CDCA2: variants seen among roughly 807,000 people sequenced by gnomAD.
The protein encoded by CDCA2 is cell division cycle-associated protein 2.
A neutral mutation model predicts 67.0 loss-of-function variants in CDCA2; 44 were observed. The observed-to-expected ratio is 0.66, with a 90% CI of 0.52 to 0.84. The LOEUF is 0.84. CDCA2 is among the 40% of genes least tolerant of loss of function. The pLI is 0.00. For synonymous variants in CDCA2, 447 were observed against 418.7 expected (o/e 1.07, Z -0.82); for missense variants, 1,253 against 1,203.2 (o/e 1.04, Z -0.61).
intron 4 of CDCA2, 50 bp from the exon 5 acceptor site, chr8:25,466,125 G>T: frequency 1.3e-6 from 2 of 1,531,040 alleles, no homozygotes; most frequent in Non-Finnish European, 1.8e-6. Context: ...CTAGAATATA[G>T]AAAGTATGAA....
At chr8:25,490,559 A>G (rs907169147) in intron 13 of CDCA2, among the ~76,000 whole-genome samples, 1 of 152,138 alleles carries the variant, frequency 6.6e-6, no homozygotes, top group Admixed American at 6.6e-5. Context: ...TGGGAATCCC[A>G]GGAGACCCTG....
chr8:25,506,510 G>A lies in CDCA2; in HGVS notation c.1844G>A (p.Gly615Asp). The change falls in exon 15 of 15, where the codon GGT becomes GAT. Residue 615 changes from glycine to aspartate, a missense_variant and splice_region_variant. Physicochemically the swap from Gly to Asp is moderately conservative, Grantham distance 94. Coordinates refer to ENST00000330560, the MANE Select transcript of CDCA2 (RefSeq NM_152562.4). ...TTTAAACCTATTTACATGCCCATAGGTTATTTCAGTTCAAATGGCAAACTG... is the reference window on the plus strand; with the variant it reads ...TTTAAACCTATTTACATGCCCATAGATTATTTCAGTTCAAATGGCAAACTG... ...SIPSIRRLGS[G>D]YFSSNGKLEE... The A allele has an allele frequency of 6.4e-7, 1 of 1,561,958 alleles. No homozygotes were observed. The highest frequency in any genetic ancestry group is 8.6e-7 in the Non-Finnish European group (1 of 1,161,718).
intron 3 of CDCA2, among the ~76,000 whole-genome samples, chr8:25,460,924 A>T (rs1207066817): frequency 6.6e-6 from 1 of 152,158 alleles, no homozygotes; most frequent in Non-Finnish European, 1.5e-5. Context: ...AAAGTTTAAG[A>T]GCAATTAAGA....
chr8:25,459,775 A>ACG (rs1449284684), intron 1 of CDCA2, among the ~76,000 whole-genome samples: 6 of 152,160 alleles, frequency 3.9e-5, no homozygotes, highest in Non-Finnish European at 7.3e-5. Context: ...CTTTAAAAGT[A>ACG]CGCGCTTAGA....
chr8:25,478,413 T>C (rs1437140035), intron 7 of CDCA2, among the ~76,000 whole-genome samples: 1 of 152,174 alleles, frequency 6.6e-6, no homozygotes, highest in East Asian at 1.9e-4. Flanking sequence ...GCTTCCCCTC[T>C]TTCCCCAATC....
At chr8:25,462,687 T>C (rs1802747645) in intron 4 of CDCA2, among the ~76,000 whole-genome samples, 1 of 122,436 alleles carries the variant, frequency 8.2e-6, no homozygotes, top group African/African-American at 2.9e-5. Context: ...TTTCTTTGTT[T>C]GCTTTGTTTT....
intron 13 of CDCA2, 107 bp downstream of exon 13, chr8:25,488,796 A>G (rs1803885025): frequency 1.8e-6 from 2 of 1,141,114 alleles, no homozygotes; most frequent in Admixed American, 6.8e-5. Context: ...CTTTGGACCA[A>G]GATTATTAAT....
At chr8:25,465,261 A>G (rs970643239) in intron 4 of CDCA2, among the ~76,000 whole-genome samples, 2 of 152,206 alleles carry the variant, frequency 1.3e-5, no homozygotes, top group Non-Finnish European at 2.9e-5. Flanking sequence ...TGCATGAGCC[A>G]CTGTGCCCAG....
At chr8:25,465,649 G>GA (rs1397746643) in intron 4 of CDCA2, among the ~76,000 whole-genome samples, 1 of 152,214 alleles carries the variant, frequency 6.6e-6, no homozygotes, top group African/African-American at 2.4e-5. Context: ...ATACAATCAG[G>GA]AAAATTAGCT....
intron 13 of CDCA2, among the ~76,000 whole-genome samples, chr8:25,495,854 C>T (rs1804201739): frequency 6.6e-6 from 1 of 152,120 alleles, no homozygotes; most frequent in African/African-American, 2.4e-5. Flanking sequence ...TCAAGATGTG[C>T]ACTCAGAGAC....
At chr8:25,494,374 A>T (rs1804124872) in intron 13 of CDCA2, among the ~76,000 whole-genome samples, 2 of 152,252 alleles carry the variant, frequency 1.3e-5, no homozygotes, top group Non-Finnish European at 2.9e-5. Flanking sequence ...TAAAAATTTT[A>T]AAATACAGCA....
intron 13 of CDCA2, among the ~76,000 whole-genome samples, chr8:25,500,415 T>C: frequency 6.6e-6 from 1 of 152,206 alleles, no homozygotes; most frequent in East Asian, 1.9e-4. Context: ...GTAATGGATA[T>C]GTTCATTAGC....
At chr8:25,497,257 C>T (rs959013834) in intron 13 of CDCA2, among the ~76,000 whole-genome samples, 5 of 151,876 alleles carry the variant, frequency 3.3e-5, no homozygotes, top group African/African-American at 1.2e-4. Flanking sequence ...GGGTATGTAT[C>T]CAAAGGAAAT....
In CDCA2 at chr8:25,484,180, A is replaced by G. The variant is rs771684344; in HGVS notation, c.1335A>G (p.Gln445=). The part of the protein sequence containing the change: ...EQSPVPEPLP[Q]PDFDDKGENL... Reference sequence around the variant, plus strand: ...CACCTGTTCCTGAGCCATTACCTCAACCAGATTTTGATGACAAGGGGGAGA... The same window carrying G: ...CACCTGTTCCTGAGCCATTACCTCAGCCAGATTTTGATGACAAGGGGGAGA... The change falls in exon 10 of 15, where the codon CAA becomes CAG. Residue 445 remains glutamine (Q), a synonymous_variant. Coordinates refer to ENST00000330560, the MANE Select transcript of CDCA2 (RefSeq NM_152562.4). 2.5e-6 allele frequency: 4 copies of G among 1,614,084 alleles called. No individual in the cohort carries two copies. Among genetic ancestry groups the G allele is most frequent in the Non-Finnish European group, 2.5e-6 (3 of 1,180,020 alleles).
chr8:25,471,348 A>G (rs1395965643), intron 7 of CDCA2, among the ~76,000 whole-genome samples: 1 of 93,626 alleles, frequency 1.1e-5, no homozygotes, highest in Non-Finnish European at 2.3e-5. Flanking sequence ...TCTTGCCTTC[A>G]ATGTTTTCTT....
chr8:25,506,789 C>T lies in CDCA2; in HGVS notation c.2123C>T (p.Thr708Ile), dbSNP rs756115603. The T allele has an allele frequency of 2.5e-6, 4 of 1,613,966 alleles. No homozygotes were observed. Residue 708 changes from threonine to isoleucine, a missense_variant, in exon 15 of 15, where the codon ACT becomes ATT. Physicochemically the swap from Thr to Ile is moderately conservative, Grantham distance 89. Transcript: ENST00000330560. ...AGTGAAAATGAACCAAAAGCTGGAA[C>T]TGACAGTCCTGTTTCTTGTGCTTCT... ...SESENEPKAG[T>I]DSPVSCASVT...
intron 7 of CDCA2, among the ~76,000 whole-genome samples, chr8:25,473,926 CT>C (rs1384255037): frequency 2.6e-5 from 4 of 152,204 alleles, no homozygotes; most frequent in Non-Finnish European, 5.9e-5. Context: ...AATTTCTATT[CT>C]GACTTGCTCC....
At position 25,484,198 on chromosome 8, in the gene CDCA2, G is replaced by A. The variant is rs746533255; in HGVS notation, c.1353G>A (p.Lys451=). The change falls in exon 10 of 15, where the codon AAG becomes AAA. Residue 451 remains lysine (K), a synonymous_variant. Transcript: ENST00000330560. ...TACCTCAACCAGATTTTGATGACAAGGGGGAGAATCTTGTAAGTATGAAAA... is the reference window on the plus strand; with the variant it reads ...TACCTCAACCAGATTTTGATGACAAAGGGGAGAATCTTGTAAGTATGAAAA... ...EPLPQPDFDD[K]GENLENIEPL... The A allele has an allele frequency of 6.2e-7, 1 of 1,613,936 alleles. No individual in the cohort carries two copies. The highest frequency in any genetic ancestry group is 8.5e-7 in the Non-Finnish European group (1 of 1,179,832).
At chr8:25,492,250 CAGAAAG>C (rs1804040780) in intron 13 of CDCA2, among the ~76,000 whole-genome samples, 1 of 141,896 alleles carries the variant, frequency 7.0e-6, no homozygotes, top group African/African-American at 2.8e-5. Flanking sequence ...CATGCCCAGC[CAGAAAG>C]TTATTTTTCT....
Sources: gnomAD v4.1 joint callset for allele counts (sites outside exome capture counted in the v4.1 genomes callset) on GRCh38, gnomAD v4.1.1 for gene constraint, MANE v1.5 for transcripts, NCBI Gene and HGNC (gene_info 2026-07-23, HGNC 2026-07-21) for gene names.